NELL1: variants seen among roughly 807,000 people sequenced by gnomAD.
NELL1 encodes neural EGFL like 1.
Under a neutral mutation model 107.4 loss-of-function variants are expected in NELL1, and 76 were observed. The ratio of observed to expected loss-of-function variants is 0.71; its 90% confidence interval spans 0.59 to 0.86. The LOEUF is 0.86. Among genes scored for constraint, NELL1 ranks in the 40% least tolerant of loss-of-function variants. NELL1 has a pLI of 0.00. For missense variants in NELL1, 1,024 were observed against 1,005.5 expected (o/e 1.02, Z -0.25); for synonymous variants, 353 against 341.2 (o/e 1.03, Z -0.38).
At chr11:21,141,923 T>C (rs1855878256) in intron 13 of NELL1, among the ~76,000 whole-genome samples, 1 of 151,938 alleles carries the variant, frequency 6.6e-6, no homozygotes, top group African/African-American at 2.4e-5. Context: ...GCCACCATGC[T>C]CAGCTAATTT....
intron 13 of NELL1, among the ~76,000 whole-genome samples, chr11:21,189,721 A>C (rs1282387267): frequency 2.7e-5 from 4 of 150,782 alleles, no homozygotes; most frequent in Non-Finnish European, 5.9e-5. Context: ...TGGTACTATA[A>C]GAATTAAATA....
At chr11:21,303,116 ATCTT>A (rs1325902330) in intron 14 of NELL1, among the ~76,000 whole-genome samples, 2 of 145,784 alleles carry the variant, frequency 1.4e-5, no homozygotes, top group Admixed American at 7.0e-5. Context: ...ATCTATATCT[ATCTT>A]CTGTCTATCT....
At chr11:21,091,242 G>C (rs1051506369) in intron 12 of NELL1, among the ~76,000 whole-genome samples, 1 of 152,040 alleles carries the variant, frequency 6.6e-6, no homozygotes, top group Non-Finnish European at 1.5e-5. Flanking sequence ...TATTTAAACA[G>C]CCTAGATAAA....
chr11:21,538,127 T>A (rs905044428), intron 16 of NELL1, among the ~76,000 whole-genome samples: 13 of 152,100 alleles, frequency 8.5e-5, no homozygotes, highest in Non-Finnish European at 1.9e-4. Context: ...CAATTTTTTT[T>A]AAAAGTGGTT....
At chr11:20,810,090 A>G (rs1220380589) in intron 3 of NELL1, among the ~76,000 whole-genome samples, 1 of 151,588 alleles carries the variant, frequency 6.6e-6, no homozygotes, top group South Asian at 2.1e-4. Flanking sequence ...TATTTCCCTG[A>G]TGATTAGTGA....
intron 14 of NELL1, among the ~76,000 whole-genome samples, chr11:21,264,098 T>TGTGTGTG (rs1384879423): frequency 1.4e-4 from 6 of 41,964 alleles, no homozygotes; most frequent in Non-Finnish European, 1.5e-4. Flanking sequence ...GTGTGTGTGT[T>TGTGTGTG]TGTGTGTCTG....
chr11:21,364,355 G>A (rs762980867), intron 14 of NELL1, among the ~76,000 whole-genome samples: 14 of 126,016 alleles, frequency 1.1e-4, no homozygotes, highest in Non-Finnish European at 2.1e-4. Context: ...AGGTTGCAGT[G>A]AGCCGAGATC....
At chr11:21,362,089 C>T (rs1851088848) in intron 14 of NELL1, among the ~76,000 whole-genome samples, 1 of 152,106 alleles carries the variant, frequency 6.6e-6, no homozygotes, top group African/African-American at 2.4e-5. Context: ...AATTATTTTA[C>T]TTTTCTTTTT....
intron 12 of NELL1, among the ~76,000 whole-genome samples, chr11:21,037,843 G>A (rs188075230): frequency 2.4e-3 from 363 of 152,176 alleles, no homozygotes; most frequent in Middle Eastern, 0.01. Context: ...TTTGTAATAC[G>A]CAGTTTTCAG....
intron 15 of NELL1, among the ~76,000 whole-genome samples, chr11:21,472,475 G>A (rs1028997258): frequency 3.9e-5 from 6 of 151,966 alleles, no homozygotes; most frequent in African/African-American, 1.2e-4. Flanking sequence ...GCCTTTACCC[G>A]CTACCAGGTT....
At chr11:21,147,695 G>C (rs1856012551) in intron 13 of NELL1, among the ~76,000 whole-genome samples, 1 of 151,616 alleles carries the variant, frequency 6.6e-6, no homozygotes, top group Non-Finnish European at 1.5e-5. Flanking sequence ...AATTAGCCGG[G>C]TGTGGTGGTG....
intron 14 of NELL1, among the ~76,000 whole-genome samples, chr11:21,241,908 T>A (rs987764241): frequency 3.3e-4 from 49 of 149,876 alleles, no homozygotes; most frequent in African/African-American, 1.2e-3. Flanking sequence ...GTTTCTATTT[T>A]TTTTTTTTTT....
At chr11:20,843,678 A>G (rs767061451) in intron 3 of NELL1, among the ~76,000 whole-genome samples, 1 of 96,340 alleles carries the variant, frequency 1.0e-5, no homozygotes, top group Non-Finnish European at 3.0e-5. Flanking sequence ...ATATTTTAAT[A>G]TTATGTATGT....
chr11:21,420,509 A>C lies in NELL1; in HGVS notation c.1645+49561A>C, dbSNP rs147843654. Among the ~76,000 whole-genome samples, 859 of 152,300 alleles carry C rather than the reference A, an allele frequency of 5.6e-3. 6 individuals are homozygous for C. The highest frequency in any genetic ancestry group is 8.4e-3 in the Non-Finnish European group (571 of 68,024). ...GATTAGAGAAAAATAAAAGTTAAGT[A>C]TCTGCAGAGTTACTGAGAAAGAAAC... On this transcript the variant is annotated intron_variant, in intron 15 of 19. Coordinates refer to ENST00000357134, the MANE Select transcript of NELL1 (RefSeq NM_006157.5).
intron 12 of NELL1, among the ~76,000 whole-genome samples, chr11:20,985,040 A>AT (rs1176634288): frequency 2.0e-5 from 3 of 152,010 alleles, no homozygotes; most frequent in Admixed American, 6.6e-5. Context: ...ATGTAAAATA[A>AT]TTTTTTTGGA....
At chr11:21,410,861 G>A (rs959098307) in intron 15 of NELL1, among the ~76,000 whole-genome samples, 6 of 152,210 alleles carry the variant, frequency 3.9e-5, no homozygotes, top group Admixed American at 3.9e-4. Flanking sequence ...ATGGCTGGTG[G>A]CTGATAAATG....
chr11:21,081,082 A>T (rs573898236), intron 12 of NELL1, among the ~76,000 whole-genome samples: 1 of 151,956 alleles, frequency 6.6e-6, no homozygotes, highest in Non-Finnish European at 1.5e-5. Flanking sequence ...CTTTATCCAC[A>T]TCCATTCCAT....
intron 14 of NELL1, among the ~76,000 whole-genome samples, chr11:21,318,372 GT>G (rs1849926968): frequency 6.6e-6 from 1 of 152,286 alleles, no homozygotes; most frequent in South Asian, 2.1e-4. Flanking sequence ...ATTTCCAGAA[GT>G]TGTGTGTTTG....
chr11:21,126,762 T>C (rs918635775), intron 13 of NELL1, among the ~76,000 whole-genome samples: 1 of 152,214 alleles, frequency 6.6e-6, no homozygotes, highest in African/African-American at 2.4e-5. Flanking sequence ...AAGCCCAGGC[T>C]GTGTAGACAG....
Sources: gnomAD v4.1 joint callset for allele counts (sites outside exome capture counted in the v4.1 genomes callset) on GRCh38, gnomAD v4.1.1 for gene constraint, MANE v1.5 for transcripts, NCBI Gene and HGNC (gene_info 2026-07-23, HGNC 2026-07-21) for gene names.